MORN3: variants seen among roughly 807,000 people sequenced by gnomAD.
MORN3 encodes the protein MORN repeat-containing protein 3.
In MORN3, 38 loss-of-function variants were observed where a neutral mutation model predicts 34.7. The ratio of observed to expected loss-of-function variants is 1.10; its 90% CI spans 0.85 to 1.44. The LOEUF (loss-of-function observed/expected upper bound fraction) is 1.44, where lower values mean the gene tolerates loss of function less well. Ranked by LOEUF, MORN3 falls within the 40% of genes most tolerant of loss-of-function variation. The pLI is 0.00. For synonymous variants in MORN3, 109 were observed against 115.3 expected (o/e 0.95, Z 0.35); for missense variants, 311 against 321.7 (o/e 0.97, Z 0.25).
intron 2 of MORN3, 147 bp from the exon 3 acceptor site, chr12:121,654,580 G>A (rs528073279): frequency 1.9e-5 from 16 of 834,872 alleles, no homozygotes; most frequent in Middle Eastern, 4.9e-4. Context: ...GTGTCTTAGC[G>A]GAGTATCCTG....
chr12:121,663,075 G>A (rs913625471), intron 1 of MORN3, among the ~76,000 whole-genome samples: 4 of 152,108 alleles, frequency 2.6e-5, no homozygotes, highest in Non-Finnish European at 5.9e-5. Flanking sequence ...ATTGGATACT[G>A]TACTTGAAAT....
In MORN3 at chr12:121,669,643, T is replaced by G; in HGVS notation, c.-160A>C. 1 of 1,021,242 alleles carries G rather than the reference T, an allele frequency of 9.8e-7. No individual in the cohort carries two copies. The highest frequency in any genetic ancestry group is 1.4e-6 in the Non-Finnish European group (1 of 705,730). The allele number at this position is 1,021,242 out of a possible 1,614,324, so 63.3% of individuals were successfully genotyped here. A position where few individuals can be genotyped will look rare whatever the true frequency, so the allele number is the denominator to read the frequency against. ...TGAACAGCCCTTAGTGGGGATCCTTTAGTGCTGGACTGACCTTTGGTTGGC... is the reference window on the plus strand; with the variant it reads ...TGAACAGCCCTTAGTGGGGATCCTTGAGTGCTGGACTGACCTTTGGTTGGC... On this transcript the variant is annotated 5_prime_UTR_variant, in exon 1 of 6. Coordinates refer to ENST00000355329, the MANE Select transcript of MORN3 (RefSeq NM_173855.5).
chr12:121,660,351 C>G (rs1274400149), intron 1 of MORN3, among the ~76,000 whole-genome samples: 1 of 127,624 alleles, frequency 7.8e-6, no homozygotes, highest in Non-Finnish European at 1.6e-5. Context: ...TTCTTTCTTT[C>G]TTTCTTTTTT....
Position 121,659,363 on chromosome 12 carries a change from A to T in MORN3, c.146-15T>A. 1 of 1,611,772 alleles carries T rather than the reference A, an allele frequency of 6.2e-7. No individual in the cohort carries two copies. The highest frequency in any genetic ancestry group is 8.5e-7 in the Non-Finnish European group (1 of 1,178,260). ...TGTTCCTTTCCCTGGTGACACACAG[A>T]TGGGCAATGCTGCAGACATGGCCGC... On this transcript the variant is annotated splice_polypyrimidine_tract_variant and intron_variant, in intron 1 of 5. Coordinates refer to ENST00000355329, the MANE Select transcript of MORN3 (RefSeq NM_173855.5).
chr12:121,652,965 C>T, intron 4 of MORN3, 110 bp downstream of exon 4: 2 of 1,441,318 alleles, frequency 1.4e-6, no homozygotes, highest in Non-Finnish European at 9.5e-7. Context: ...CTTGTCTGTT[C>T]CCTGTCTGGG....
In MORN3 at chr12:121,649,143, T is replaced by G. The variant is rs895836622; in HGVS notation, c.*2508A>C. 1 of 152,152 alleles carries G rather than the reference T, an allele frequency of 6.6e-6. No homozygotes were observed. The highest frequency in any genetic ancestry group is 1.5e-5 in the Non-Finnish European group (1 of 68,074). 9.4% of individuals were successfully genotyped at this position (152,152 alleles called of 1,614,324 possible). On this transcript the variant is annotated 3_prime_UTR_variant, in exon 6 of 6. Transcript: ENST00000355329. The stretch of plus-strand genomic sequence containing the variant: ...TTTGTATTTTTAGTAGAGACAGGGT[T>G]TCACCATGTTGGTCAGGCTGGTCTC...
intron 3 of MORN3, 97 bp downstream of exon 3, chr12:121,654,176 TG>T: frequency 8.5e-6 from 8 of 939,888 alleles, no homozygotes; most frequent in Non-Finnish European, 1.2e-5. Context: ...GACAAGAGTG[TG>T]GGGTGTGGCC....
intron 2 of MORN3, among the ~76,000 whole-genome samples, chr12:121,658,944 G>C (rs149392095): frequency 6.6e-6 from 1 of 152,084 alleles, no homozygotes; most frequent in African/African-American, 2.4e-5. Flanking sequence ...CTGGCTCCTC[G>C]CAACCGCAGG....
intron 2 of MORN3, among the ~76,000 whole-genome samples, chr12:121,658,188 T>C (rs1893465067): frequency 6.6e-6 from 1 of 152,168 alleles, no homozygotes. Context: ...ACACCTCATC[T>C]CTTCGAGCTT....
In MORN3 at chr12:121,650,544, AAAAAAAG is replaced by A. The variant is rs1301956707; in HGVS notation, c.*1100_*1106del. On this transcript the variant is annotated 3_prime_UTR_variant, in exon 6 of 6. Coordinates refer to ENST00000355329, the MANE Select transcript of MORN3 (RefSeq NM_173855.5). ...TGTCTCAAAAAAAAAAAAAAAAAAA[AAAAAAAG>A]GCCAGGCTCGATGGCTCACACCTGT... 6 of 139,468 alleles carry A rather than the reference AAAAAAAG, an allele frequency of 4.3e-5. No individual in the cohort carries two copies. Among genetic ancestry groups the A allele is most frequent in the Non-Finnish European group, 6.1e-5 (4 of 65,896 alleles). 8.6% of individuals were successfully genotyped at this position (139,468 alleles called of 1,614,324 possible).
chr12:121,656,575 C>T (rs74547868), intron 2 of MORN3, among the ~76,000 whole-genome samples: 4,495 of 152,142 alleles, frequency 0.03, 178 homozygotes, highest in East Asian at 0.11. Flanking sequence ...AGTGCAGTGG[C>T]GTGATCTCGG....
intron 1 of MORN3, among the ~76,000 whole-genome samples, chr12:121,667,648 C>T (rs865989298): frequency 6.6e-6 from 1 of 152,146 alleles, no homozygotes; most frequent in African/African-American, 2.4e-5. Context: ...ATTCTCTGCT[C>T]CAGCTGGTCC....
chr12:121,663,912 T>G (rs1893663378), intron 1 of MORN3, among the ~76,000 whole-genome samples: 3 of 152,128 alleles, frequency 2.0e-5, no homozygotes, highest in Non-Finnish European at 2.9e-5. Context: ...CCTGGTTTTA[T>G]TTCCTTTGGG....
chr12:121,671,896 G>T (rs1381708452), upstream of MORN3, among the ~76,000 whole-genome samples: 1 of 145,988 alleles, frequency 6.8e-6, no homozygotes, highest in Non-Finnish European at 1.5e-5. Flanking sequence ...AAAAAAAAAA[G>T]ATTAGCAAAT....
chr12:121,663,327 T>G (rs937839056), intron 1 of MORN3, among the ~76,000 whole-genome samples: 1 of 151,726 alleles, frequency 6.6e-6, no homozygotes, highest in Non-Finnish European at 1.5e-5. Context: ...GCCTCCTGAG[T>G]AGCTGGGATT....
chr12:121,652,654 A>C, intron 5 of MORN3, 74 bp downstream of exon 5: 3 of 1,410,302 alleles, frequency 2.1e-6, no homozygotes, highest in Non-Finnish European at 3.0e-6. Flanking sequence ...AGACCCCAGG[A>C]GATCTGTGCA....
chr12:121,669,834 T>TATATA (rs1566488482), upstream of MORN3, among the ~76,000 whole-genome samples: 2,836 of 92,112 alleles, frequency 0.031, 76 homozygotes, highest in South Asian at 0.13. Flanking sequence ...ATATATATAT[T>TATATA]TTTTTTTTTA....
intron 2 of MORN3, among the ~76,000 whole-genome samples, chr12:121,654,749 C>A (rs1893365760): frequency 6.6e-6 from 1 of 151,888 alleles, no homozygotes; most frequent in Non-Finnish European, 1.5e-5. Flanking sequence ...AAACACGCAT[C>A]ACCACGCCCT....
chr12:121,656,780 C>T (rs1445395506), intron 2 of MORN3, among the ~76,000 whole-genome samples: 2 of 152,192 alleles, frequency 1.3e-5, no homozygotes, highest in African/African-American at 4.8e-5. Context: ...GTCTGCCTCC[C>T]AAATTGCTGG....
Sources: gnomAD v4.1 joint callset for allele counts (sites outside exome capture counted in the v4.1 genomes callset) on GRCh38, gnomAD v4.1.1 for gene constraint, MANE v1.5 for transcripts, NCBI Gene and HGNC (gene_info 2026-07-23, HGNC 2026-07-21) for gene names.